The following MGA variants were observed in gnomAD, a reference collection of about 807,000 sequenced individuals.
The protein encoded by MGA is MAX dimerization protein MGA, also known as MAX gene-associated protein.
A neutral mutation model predicts 261.1 loss-of-function variants in MGA; 40 were observed. That is an observed-to-expected ratio of 0.15 (90% CI 0.12 to 0.20). The LOEUF is 0.20. Ranked by LOEUF, MGA falls within the 10% of genes least tolerant of loss-of-function variation. The probability of loss-of-function intolerance (pLI) is 1.00; values close to 1 mark genes in which losing one functional copy is unlikely to be tolerated. For missense variants in MGA, 3,397 were observed against 3,630.5 expected, an observed-to-expected ratio of 0.94 and a Z score of 1.65; for synonymous variants, 1,302 against 1,290.6, an observed-to-expected ratio of 1.01 and a Z score of -0.19.
intron 2 of MGA, among the ~76,000 whole-genome samples, chr15:41,672,850 A>G (rs1253783887): frequency 1.5e-5 from 2 of 137,518 alleles, no homozygotes; most frequent in Non-Finnish European, 3.1e-5. Context: ...TTAAAAAATT[A>G]TATACACATG....
At chr15:41,693,284 A>G (rs2059386086) in intron 2 of MGA, among the ~76,000 whole-genome samples, 1 of 149,252 alleles carries the variant, frequency 6.7e-6, no homozygotes, top group African/African-American at 2.5e-5. Context: ...CATTAGGTAT[A>G]TCTCCCAATG....
intron 1 of MGA, among the ~76,000 whole-genome samples, chr15:41,665,816 C>T (rs1454276951): frequency 1.3e-5 from 2 of 152,196 alleles, no homozygotes; most frequent in Non-Finnish European, 2.9e-5. Flanking sequence ...TACTTTGTTT[C>T]TCTAGATTTG....
chr15:41,671,088 C>G (rs771878241), intron 2 of MGA, among the ~76,000 whole-genome samples: 1 of 152,088 alleles, frequency 6.6e-6, no homozygotes, highest in Non-Finnish European at 1.5e-5. Flanking sequence ...ATTTTGGTAT[C>G]TGGGGAGGGT....
intron 1 of MGA, among the ~76,000 whole-genome samples, chr15:41,625,747 G>A (rs1218053642): frequency 1.3e-5 from 2 of 151,864 alleles, no homozygotes; most frequent in Non-Finnish European, 2.9e-5. Context: ...AAATAAATAC[G>A]GTGCCTTTAT....
intron 18 of MGA, among the ~76,000 whole-genome samples, chr15:41,757,582 A>G (rs1052117030): frequency 1.3e-5 from 2 of 152,224 alleles, no homozygotes; most frequent in African/African-American, 4.8e-5. Context: ...TAAATATTTC[A>G]TGATTGTACA....
chr15:41,634,148 C>T (rs2056651885), intron 1 of MGA, among the ~76,000 whole-genome samples: 1 of 152,182 alleles, frequency 6.6e-6, no homozygotes, highest in Non-Finnish European at 1.5e-5. Context: ...GTATATAACA[C>T]ACCATATTAC....
chr15:41,750,910 TC>T (rs1048901288), intron 17 of MGA: 7 of 240,946 alleles, frequency 2.9e-5, no homozygotes, highest in African/African-American at 1.6e-4. Context: ...AAACCACTAC[TC>T]CCATTTGACC....
chr15:41,761,980 C>G (rs1261595773), intron 21 of MGA, 130 bp downstream of exon 21: 3 of 999,074 alleles, frequency 3.0e-6, no homozygotes, highest in African/African-American at 3.3e-5. Flanking sequence ...TATCCTTTGA[C>G]TGGGTGGTGG....
intron 2 of MGA, among the ~76,000 whole-genome samples, chr15:41,691,121 C>G (rs2059262406): frequency 1.3e-5 from 2 of 149,128 alleles, no homozygotes; most frequent in African/African-American, 4.9e-5. Flanking sequence ...TTGTAGATCA[C>G]TTTAGGGATT....
chr15:41,715,907 A>G (rs2060610290), intron 9 of MGA, among the ~76,000 whole-genome samples: 1 of 152,156 alleles, frequency 6.6e-6, no homozygotes, highest in South Asian at 2.1e-4. Context: ...AAGCATTTCC[A>G]TTTCAAAGCA....
At position 41,724,365 on chromosome 15, in the gene MGA, T is replaced by C. The variant is rs2061113907; in HGVS notation, c.3431-2815T>C. Among the ~76,000 whole-genome samples the C allele has an allele frequency of 2.0e-5, 3 of 152,218 alleles. No homozygotes were observed. The South Asian group carries it at 6.2e-4, about 31-fold the overall frequency. Reference sequence around the variant, plus strand: ...CATTTTCCGTATTCATCATATTGCCTGTCTCATCTTACTTCCCCCCAAAAG... The same window carrying C: ...CATTTTCCGTATTCATCATATTGCCCGTCTCATCTTACTTCCCCCCAAAAG... On this transcript the variant is annotated intron_variant, in intron 9 of 23. Transcript: ENST00000219905.
At chr15:41,628,927 C>T (rs1056655252) in intron 1 of MGA, among the ~76,000 whole-genome samples, 2 of 151,986 alleles carry the variant, frequency 1.3e-5, no homozygotes, top group African/African-American at 4.8e-5. Flanking sequence ...ATCATGAGGT[C>T]AGGAGATCGA....
chr15:41,744,593 C>T (rs2062328696), intron 15 of MGA, among the ~76,000 whole-genome samples: 1 of 152,152 alleles, frequency 6.6e-6, no homozygotes, highest in South Asian at 2.1e-4. Flanking sequence ...GGAGTGAAGT[C>T]ATTAGTGAAG....
intron 3 of MGA, among the ~76,000 whole-genome samples, 158 bp from the exon 4 acceptor site, chr15:41,698,705 A>G (rs2059675762): frequency 2.0e-5 from 3 of 152,184 alleles, no homozygotes; most frequent in African/African-American, 7.2e-5. Context: ...GAAAATATCA[A>G]AAAGTATGAA....
chr15:41,681,104 G>T (rs148513497), intron 2 of MGA, among the ~76,000 whole-genome samples: 14 of 152,228 alleles, frequency 9.2e-5, no homozygotes, highest in African/African-American at 2.6e-4. Flanking sequence ...ACAAAGACCA[G>T]ACAAGCTCAT....
At chr15:41,729,829 T>C (rs1429420733) in intron 11 of MGA, among the ~76,000 whole-genome samples, 1 of 152,064 alleles carries the variant, frequency 6.6e-6, no homozygotes, top group Non-Finnish European at 1.5e-5. Flanking sequence ...AGTGAGACTC[T>C]GTTTCAAAAA....
At chr15:41,762,457 TGTG>T in intron 22 of MGA, 95 bp downstream of exon 22, 2 of 614,270 alleles carry the variant, frequency 3.3e-6, no homozygotes, top group South Asian at 2.6e-5. Flanking sequence ...TTTAGTTTTG[TGTG>T]GTTTTTTTTT....
Position 41,757,800 on chromosome 15 carries a change from C to T in MGA, c.7152C>T (p.His2384=), listed in dbSNP as rs1379042929. ...TGTCTTTATCCAGGTCCTGTACTCACATCTCTGCAGATGAAAAAGCAGCTG... is the reference window on the plus strand; with the variant it reads ...TGTCTTTATCCAGGTCCTGTACTCATATCTCTGCAGATGAAAAAGCAGCTG... Residue 2384 remains histidine, a synonymous_variant, in exon 19 of 24, where the codon CAC becomes CAT. Coordinates refer to ENST00000219905, the MANE Select transcript of MGA (RefSeq NM_001164273.2). The T allele has an allele frequency of 1.2e-6, 2 of 1,610,552 alleles. No homozygotes were observed. The highest frequency in any genetic ancestry group is 8.5e-7 in the Non-Finnish European group (1 of 1,177,306).
chr15:41,694,855 C>T lies in MGA; in HGVS notation c.1065-1220C>T, dbSNP rs184968379. Among the ~76,000 whole-genome samples, 217 of 152,210 alleles carry T rather than the reference C, an allele frequency of 1.4e-3. 1 individual carries two copies. Among genetic ancestry groups the T allele is most frequent in the African/African-American group, 5.0e-3 (207 of 41,530 alleles). ...GTGCAATTGTAGCTCACTGCAGCCT[C>T]GAACTCCTGGGCACAAGCAGTCCTG... On this transcript the variant is annotated intron_variant, in intron 2 of 23. Coordinates refer to ENST00000219905, the MANE Select transcript of MGA (RefSeq NM_001164273.2).
Sources: gnomAD v4.1 joint callset for allele counts (sites outside exome capture counted in the v4.1 genomes callset) on GRCh38, gnomAD v4.1.1 for gene constraint, MANE v1.5 for transcripts, NCBI Gene and HGNC (gene_info 2026-07-23, HGNC 2026-07-21) for gene names.